Variants in SFRP4 observed in about 807,000 individuals in gnomAD.
The protein encoded by SFRP4 is secreted frizzled-related protein 4.
Under a neutral mutation model 36.3 loss-of-function variants are expected in SFRP4, and 25 were observed. That is an observed-to-expected ratio of 0.69 (90% CI 0.50 to 0.96). The LOEUF is 0.96. Ranked by LOEUF, SFRP4 falls within the 40% of genes least tolerant of loss-of-function variation. The pLI, the probability that SFRP4 is intolerant of heterozygous loss-of-function variation, is 0.00. For synonymous variants in SFRP4, 182 were observed against 168.8 expected, an observed-to-expected ratio of 1.08 and a Z score of -0.60; for missense variants, 487 against 459.6, an observed-to-expected ratio of 1.06 and a Z score of -0.54.
Position 37,916,704 on chromosome 7 carries a change from C to G in SFRP4, c.-167G>C. On this transcript the variant is annotated 5_prime_UTR_variant, in exon 1 of 6. Transcript: ENST00000436072. The surrounding 1 kb of genome is among the most constrained non-coding windows in gnomAD (Gnocchi z 4.1). ...GCAAAGCGGGGCCGCGGGGTCCGGC[C>G]GCGGAGCTCCGCCGTCTGGCACACA... 1 of 1,037,228 alleles carries G rather than the reference C, an allele frequency of 9.6e-7. No individual in the cohort carries two copies. Among genetic ancestry groups the G allele is most frequent in the South Asian group, 1.7e-5 (1 of 59,864 alleles). 64.3% of individuals were successfully genotyped at this position (1,037,228 alleles called of 1,614,324 possible). A position where few individuals can be genotyped will look rare whatever the true frequency, so the allele number is the denominator to read the frequency against.
rs914737772 is a variant in SFRP4, at chr7:37,916,583, T to C, written c.-46A>G. 5.7e-6 allele frequency: 9 copies of C among 1,574,588 alleles called. No individual in the cohort carries two copies. The Admixed American group carries it at 8.7e-5, about 15-fold the overall frequency. On this transcript the variant is annotated 5_prime_UTR_variant, in exon 1 of 6. Coordinates refer to ENST00000436072, the MANE Select transcript of SFRP4 (RefSeq NM_003014.4). This position sits in a 1 kb window ranked among gnomAD's most constrained non-coding sequence, Gnocchi z 4.1. ...CGACCCCGGCAGACAGAAAGCGCCC[T>C]TCTCTTCCTGCCACCCTCATCTTTC...
intron 4 of SFRP4, among the ~76,000 whole-genome samples, chr7:37,911,342 A>G (rs1182434647): frequency 6.6e-6 from 1 of 152,244 alleles, no homozygotes; most frequent in African/African-American, 2.4e-5. Flanking sequence ...ACAGATGAGC[A>G]TTAACAGCAG....
chr7:37,910,805 CA>C (rs1290989629), intron 4 of SFRP4, among the ~76,000 whole-genome samples: 1 of 152,114 alleles, frequency 6.6e-6, no homozygotes, highest in Non-Finnish European at 1.5e-5. Flanking sequence ...GTATTTTATG[CA>C]TTAAAACCTG....
intron 5 of SFRP4, 37 bp from the exon 6 acceptor site, chr7:37,907,701 C>G: frequency 6.6e-7 from 1 of 1,518,352 alleles, no homozygotes; most frequent in Non-Finnish European, 9.0e-7. Flanking sequence ...GTCAAATTAT[C>G]TCACCCCTTT....
At chr7:37,911,769 T>C (rs1785490896) in intron 4 of SFRP4, among the ~76,000 whole-genome samples, 1 of 152,224 alleles carries the variant, frequency 6.6e-6, no homozygotes, top group Non-Finnish European at 1.5e-5. Context: ...TGTAAGCTAT[T>C]AAAGTGGCCT....
At position 37,906,003 on chromosome 7, in the gene SFRP4, T is replaced by C. The variant is rs886358770; in HGVS notation, c.*1476A>G. Reference sequence around the variant, plus strand: ...CTAAGTATCCAATAGCACAACAGTTTGTTGAGTAATGCATACTATGGAATA... The same window carrying C: ...CTAAGTATCCAATAGCACAACAGTTCGTTGAGTAATGCATACTATGGAATA... On this transcript the variant is annotated 3_prime_UTR_variant, in exon 6 of 6. Transcript: ENST00000436072. 2.0e-5 allele frequency: 3 copies of C among 152,138 alleles called. No homozygotes were observed. Among genetic ancestry groups the C allele is most frequent in the African/African-American group, 7.2e-5 (3 of 41,434 alleles). 9.4% of individuals were successfully genotyped at this position (152,138 alleles called of 1,614,324 possible).
At chr7:37,909,872 A>G (rs1023421036) in intron 4 of SFRP4, 192 bp from the exon 5 acceptor site, 2 of 374,268 alleles carry the variant, frequency 5.3e-6, no homozygotes, top group Non-Finnish European at 9.6e-6. Context: ...CACATTGTGT[A>G]TTGAGATGAT....
chr7:37,908,351 G>A (rs1583653193), intron 5 of SFRP4, among the ~76,000 whole-genome samples: 1 of 152,160 alleles, frequency 6.6e-6, no homozygotes, highest in African/African-American at 2.4e-5. Flanking sequence ...TTATATTAAC[G>A]CAGATGTGCC....
intron 5 of SFRP4, among the ~76,000 whole-genome samples, 158 bp from the exon 6 acceptor site, chr7:37,907,822 A>G (rs112569801): frequency 2.7e-4 from 41 of 152,290 alleles, no homozygotes; most frequent in African/African-American, 9.4e-4. Context: ...GTACCAGGTG[A>G]CTTGGAAAGT....
chr7:37,913,627 A>C lies in SFRP4; in HGVS notation c.592+586T>G, dbSNP rs1378197929. Reference sequence around the variant, plus strand: ...ATTTCATGACTGACTTATTCATGGAAGAAAATGCTGAATGGTTCTTTCAAG... The same window carrying C: ...ATTTCATGACTGACTTATTCATGGACGAAAATGCTGAATGGTTCTTTCAAG... On this transcript the variant is annotated intron_variant, in intron 3 of 5. Transcript: ENST00000436072. Among the ~76,000 whole-genome samples the C allele has an allele frequency of 2.0e-5, 3 of 152,356 alleles. No individual in the cohort carries two copies. The East Asian group carries it at 5.8e-4, about 29-fold the overall frequency.
At chr7:37,912,410 G>A in intron 3 of SFRP4, 93 bp from the exon 4 acceptor site, 1 of 974,954 alleles carries the variant, frequency 1.0e-6, no homozygotes, top group South Asian at 1.5e-5. Flanking sequence ...CTCTCTTAAA[G>A]AATCACTCCT....
intron 5 of SFRP4, among the ~76,000 whole-genome samples, chr7:37,908,385 T>C (rs1170507492): frequency 1.3e-5 from 2 of 152,244 alleles, no homozygotes; most frequent in Non-Finnish European, 2.9e-5. Context: ...TCTATTTCAT[T>C]CAGCCAAAAG....
At chr7:37,910,883 G>A (rs1389581821) in intron 4 of SFRP4, among the ~76,000 whole-genome samples, 1 of 152,106 alleles carries the variant, frequency 6.6e-6, no homozygotes, top group South Asian at 2.1e-4. Context: ...GTTTTAACAA[G>A]TGTAACTTTA....
At position 37,916,379 on chromosome 7, in the gene SFRP4, G is replaced by A. The variant is rs746724227; in HGVS notation, c.159C>T (p.Asn53=). 6.2e-7 allele frequency: 1 copy of A among 1,614,186 alleles called. No individual in the cohort carries two copies. Among genetic ancestry groups the A allele is most frequent in the South Asian group, 1.1e-5 (1 of 91,082 alleles). Residue 53 remains asparagine, a synonymous_variant, in exon 1 of 6, where the codon AAC becomes AAT. Transcript: ENST00000436072. This position sits in a 1 kb window ranked among gnomAD's most constrained non-coding sequence, Gnocchi z 4.1. Reference sequence around the variant, plus strand: ...CGTACTGCTCGATGGCCAGGATGGCGTTCTCCTGCGTGCTGTGGTGCAGGT... The same window carrying A: ...CGTACTGCTCGATGGCCAGGATGGCATTCTCCTGCGTGCTGTGGTGCAGGT... ...PNHLHHSTQE[N]AILAIEQYEE... is the part of the protein sequence containing the mutation.
rs1785390937 is a variant in SFRP4 at position 37,906,133 on chromosome 7, A to G, written c.*1346T>C. ...GCAGGTTATGAAACACATGTATAGCAGGTTCCTAGTTTTATTTGTTCAAAT... is the reference window on the plus strand; with the variant it reads ...GCAGGTTATGAAACACATGTATAGCGGGTTCCTAGTTTTATTTGTTCAAAT... On this transcript the variant is annotated 3_prime_UTR_variant, in exon 6 of 6. Coordinates refer to ENST00000436072, the MANE Select transcript of SFRP4 (RefSeq NM_003014.4). 1 of 152,214 alleles carries G rather than the reference A, an allele frequency of 6.6e-6. No individual in the cohort carries two copies. The highest frequency in any genetic ancestry group is 2.4e-5 in the African/African-American group (1 of 41,454). The allele number at this position is 152,214 out of a possible 1,614,324, so 9.4% of individuals were successfully genotyped here.
Position 37,906,537 on chromosome 7 carries a change from T to A in SFRP4, c.*942A>T, listed in dbSNP as rs1254857560. 1 of 152,200 alleles carries A rather than the reference T, an allele frequency of 6.6e-6. No homozygotes were observed. Among genetic ancestry groups the A allele is most frequent in the African/African-American group, 2.4e-5 (1 of 41,456 alleles). The allele number at this position is 152,200 out of a possible 1,614,324, so 9.4% of individuals were successfully genotyped here. ...TATTTAGGCAAAGAAAATATTTAAATGAAGAAAACAAAATTTGGCACTCAC... is the reference window on the plus strand; with the variant it reads ...TATTTAGGCAAAGAAAATATTTAAAAGAAGAAAACAAAATTTGGCACTCAC... On this transcript the variant is annotated 3_prime_UTR_variant, in exon 6 of 6. Coordinates refer to ENST00000436072, the MANE Select transcript of SFRP4 (RefSeq NM_003014.4).
At chr7:37,909,221 A>C (rs1785443320) in intron 5 of SFRP4, among the ~76,000 whole-genome samples, 1 of 152,202 alleles carries the variant, frequency 6.6e-6, no homozygotes. Context: ...TCTGCTGTGT[A>C]TAGTGATAGG....
intron 1 of SFRP4, among the ~76,000 whole-genome samples, chr7:37,914,881 A>G (rs1178553861): frequency 1.3e-5 from 2 of 152,156 alleles, no homozygotes; most frequent in Non-Finnish European, 2.9e-5. Flanking sequence ...AGAAAACAAG[A>G]CAAAAAATAT....
At chr7:37,909,175 C>CA (rs1785442478) in intron 5 of SFRP4, among the ~76,000 whole-genome samples, 1 of 152,010 alleles carries the variant, frequency 6.6e-6, no homozygotes, top group Non-Finnish European at 1.5e-5. Flanking sequence ...TAATTTTTGA[C>CA]AAAAGTCTTA....
Sources: allele counts gnomAD v4.1 joint callset (sites outside exome capture counted in the v4.1 genomes callset), GRCh38; gene constraint gnomAD v4.1.1; non-coding constraint Gnocchi (gnomAD v3.1); transcripts MANE v1.5; gene names NCBI Gene and HGNC (gene_info 2026-07-23, HGNC 2026-07-21).